Variants in SLC24A2 observed in about 807,000 individuals in gnomAD.
SLC24A2 encodes the protein sodium/potassium/calcium exchanger 2.
Under a neutral mutation model 62.0 loss-of-function variants are expected in SLC24A2, and 36 were observed. The observed-to-expected ratio is 0.58, with a 90% CI of 0.44 to 0.77. SLC24A2 has a LOEUF of 0.77. Among genes scored for constraint, SLC24A2 ranks in the 30% least tolerant of loss-of-function variants. The pLI is 0.00. For synonymous variants in SLC24A2, 358 were observed against 294.0 expected, an observed-to-expected ratio of 1.22 and a Z score of -2.23; for missense variants, 846 against 817.9, an observed-to-expected ratio of 1.03 and a Z score of -0.42.
At chr9:20,079,625 T>C in the SLC24A2 span, among the ~76,000 whole-genome samples, 3 of 152,218 alleles carry the variant, frequency 2.0e-5, no homozygotes, top group South Asian at 2.1e-4. Context: ...AGTATACATA[T>C]ATCTTCATGT....
chr9:20,299,527 G>A, the SLC24A2 span, among the ~76,000 whole-genome samples: 1 of 152,180 alleles, frequency 6.6e-6, no homozygotes, highest in African/African-American at 2.4e-5. Flanking sequence ...GTCTCATTTG[G>A]GAGTGACTCT....
chr9:19,637,115 G>C (rs1192375669), intron 2 of SLC24A2, among the ~76,000 whole-genome samples: 1 of 152,136 alleles, frequency 6.6e-6, no homozygotes, highest in Non-Finnish European at 1.5e-5. Flanking sequence ...ATTCCAAAAG[G>C]ACCCGTCTAG....
intron 2 of SLC24A2, among the ~76,000 whole-genome samples, chr9:19,685,566 T>C (rs926527209): frequency 6.6e-6 from 1 of 151,770 alleles, no homozygotes; most frequent in African/African-American, 2.4e-5. Flanking sequence ...AACACATAGA[T>C]CTATGGACAC....
the SLC24A2 span, among the ~76,000 whole-genome samples, chr9:20,257,843 G>C: frequency 6.6e-6 from 1 of 152,158 alleles, no homozygotes; most frequent in African/African-American, 2.4e-5. Context: ...TAAAACGAGT[G>C]GGCTCACTGG....
the SLC24A2 span, among the ~76,000 whole-genome samples, chr9:19,877,999 G>A: frequency 2.6e-5 from 4 of 152,072 alleles, no homozygotes; most frequent in Non-Finnish European, 4.4e-5. Context: ...CACCAGAAAG[G>A]GAAGATATTT....
At chr9:19,604,413 G>A (rs1384887918) in intron 4 of SLC24A2, among the ~76,000 whole-genome samples, 1 of 152,224 alleles carries the variant, frequency 6.6e-6, no homozygotes, top group Non-Finnish European at 1.5e-5. Context: ...CCAGTGCACA[G>A]AATAGATGCT....
At chr9:20,170,608 G>A in the SLC24A2 span, among the ~76,000 whole-genome samples, 2 of 152,124 alleles carry the variant, frequency 1.3e-5, no homozygotes, top group South Asian at 4.2e-4. Context: ...CTGATGGGAA[G>A]GGGGTAGGCT....
At chr9:19,933,182 G>C in the SLC24A2 span, among the ~76,000 whole-genome samples, 2 of 152,236 alleles carry the variant, frequency 1.3e-5, no homozygotes, top group East Asian at 3.9e-4. Flanking sequence ...TTGGACCTCT[G>C]GAACATCATG....
At chr9:20,050,279 G>C in the SLC24A2 span, among the ~76,000 whole-genome samples, 1 of 151,242 alleles carries the variant, frequency 6.6e-6, no homozygotes, top group South Asian at 2.1e-4. Flanking sequence ...AGCCGGTCAT[G>C]GTGGTGCATG....
the SLC24A2 span, among the ~76,000 whole-genome samples, chr9:20,021,848 C>T: frequency 6.6e-6 from 1 of 152,152 alleles, no homozygotes; most frequent in East Asian, 1.9e-4. Context: ...CCTCCTCCTA[C>T]ACCTTGAGGT....
chr9:19,566,792 G>A (rs1326547848), intron 7 of SLC24A2, among the ~76,000 whole-genome samples: 1 of 152,180 alleles, frequency 6.6e-6, no homozygotes, highest in Non-Finnish European at 1.5e-5. Flanking sequence ...AAAAAAGGAT[G>A]AGTTCATGTC....
chr9:19,924,534 A>G, the SLC24A2 span, among the ~76,000 whole-genome samples: 1 of 152,262 alleles, frequency 6.6e-6, no homozygotes, highest in East Asian at 1.9e-4. Flanking sequence ...CAGTGCTTCC[A>G]GATATCTACC....
At chr9:19,829,818 C>T in the SLC24A2 span, among the ~76,000 whole-genome samples, 58 of 112,080 alleles carry the variant, frequency 5.2e-4, no homozygotes, top group African/African-American at 2.1e-3. Context: ...TATACACACA[C>T]ACACACACAC....
At chr9:20,271,240 CT>C in the SLC24A2 span, among the ~76,000 whole-genome samples, 1 of 152,212 alleles carries the variant, frequency 6.6e-6, no homozygotes, top group African/African-American at 2.4e-5. Context: ...GGATGTGCTG[CT>C]TTGTAGATCA....
the SLC24A2 span, among the ~76,000 whole-genome samples, chr9:20,041,924 AG>A: frequency 6.6e-6 from 1 of 152,196 alleles, no homozygotes; most frequent in Non-Finnish European, 1.5e-5. Context: ...TGCTGCCGAG[AG>A]CCCCCCTTTC....
At chr9:19,682,753 G>A (rs559532401) in intron 2 of SLC24A2, among the ~76,000 whole-genome samples, 5 of 152,208 alleles carry the variant, frequency 3.3e-5, no homozygotes, top group African/African-American at 1.2e-4. Flanking sequence ...GTATTTAGTT[G>A]ATATTAAAAT....
the SLC24A2 span, among the ~76,000 whole-genome samples, chr9:19,943,152 G>A: frequency 6.6e-6 from 1 of 152,130 alleles, no homozygotes; most frequent in Non-Finnish European, 1.5e-5. Flanking sequence ...TCTAAGTGCA[G>A]TGCCCTACAA....
At chr9:20,082,175 A>G in the SLC24A2 span, among the ~76,000 whole-genome samples, 1 of 152,214 alleles carries the variant, frequency 6.6e-6, no homozygotes, top group Non-Finnish European at 1.5e-5. Flanking sequence ...ACATTAATTG[A>G]CAACATTCCA....
the SLC24A2 span, among the ~76,000 whole-genome samples, chr9:19,911,773 T>C: frequency 5.3e-5 from 8 of 152,278 alleles, no homozygotes; most frequent in East Asian, 1.5e-3. Context: ...ACTTGACCTG[T>C]GGTTATGGGA....
Sources: allele counts gnomAD v4.1 joint callset (sites outside exome capture counted in the v4.1 genomes callset), GRCh38; gene constraint gnomAD v4.1.1; transcripts MANE v1.5; gene names NCBI Gene and HGNC (gene_info 2026-07-23, HGNC 2026-07-21).